VIT: variants seen among roughly 807,000 people sequenced by gnomAD.
VIT encodes the protein vitrin.
In VIT, 99 loss-of-function variants were observed where a neutral mutation model predicts 78.0. That is an observed-to-expected ratio of 1.27 (90% CI 1.08 to 1.50). The LOEUF is 1.50. Among genes scored for constraint, VIT ranks in the 40% most tolerant of loss-of-function variants. The pLI is 0.00. For synonymous variants in VIT, 374 were observed against 334.3 expected (o/e 1.12, Z -1.29); for missense variants, 1,126 against 875.3 (o/e 1.29, Z -3.61).
intron 7 of VIT, among the ~76,000 whole-genome samples, chr2:36,773,359 G>A (rs1449661546): frequency 4.6e-5 from 7 of 151,498 alleles, no homozygotes; most frequent in Admixed American, 6.6e-5. Context: ...TCCAAGGCAG[G>A]TTTGGACTGC....
intron 6 of VIT, 91 bp downstream of exon 6, chr2:36,759,137 C>G: frequency 6.2e-7 from 1 of 1,612,260 alleles, no homozygotes; most frequent in Non-Finnish European, 8.5e-7. Context: ...AACATCTTAA[C>G]CGGTCAAGCT....
rs1292216154 is a variant in VIT at position 36,696,877 on chromosome 2, G to A, written c.-115G>A. 6.6e-6 allele frequency: 1 copy of A among 152,010 alleles called. No individual in the cohort carries two copies. Among genetic ancestry groups the A allele is most frequent in the Non-Finnish European group, 1.5e-5 (1 of 68,006 alleles). 9.4% of individuals were successfully genotyped at this position (152,010 alleles called of 1,614,324 possible). A position where few individuals can be genotyped will look rare whatever the true frequency, so the allele number is the denominator to read the frequency against. ...CCCTGTTTCTTCCTTAGAATAATTT[G>A]GATGGGATTTGTGATGCAGGAAAGC... On this transcript the variant is annotated 5_prime_UTR_variant, in exon 1 of 16. Transcript: ENST00000379242.
At chr2:36,744,169 T>C (rs1479492106) in intron 4 of VIT, among the ~76,000 whole-genome samples, 2 of 152,246 alleles carry the variant, frequency 1.3e-5, no homozygotes, top group Non-Finnish European at 2.9e-5. Flanking sequence ...TAGTATTCCA[T>C]GGTGTATATG....
At chr2:36,805,041 G>T (rs1316980784) in intron 13 of VIT, among the ~76,000 whole-genome samples, 1 of 152,064 alleles carries the variant, frequency 6.6e-6, no homozygotes, top group Non-Finnish European at 1.5e-5. Context: ...AGTGGCTCAT[G>T]CCTGTAATCT....
chr2:36,814,345 C>T lies in VIT; in HGVS notation c.2066C>T (p.Ser689Leu), dbSNP rs147135911. The part of the protein sequence containing the change: ...IIQNICTEFN[S>L]QPRN ...CAGAACATTTGTACAGAGTTCAACT[C>T]ACAGCCTCGGAACTGAATTCAGAGC... Residue 689 changes from serine (S) to leucine (L), a missense_variant, in exon 16 of 16, where the codon TCA becomes TTA. Transcript: ENST00000379242. The T allele has an allele frequency of 2.8e-5, 46 of 1,614,204 alleles. No individual in the cohort carries two copies. The African/African-American group carries it at 5.2e-4, about 18-fold the overall frequency.
chr2:36,729,277 C>G lies in VIT; in HGVS notation c.53-149C>G, dbSNP rs974398488. ...TTGACACATTTTTCAGAGAGTAGCC[C>G]CATCATTAAGTGATGCATGACTGTA... On this transcript the variant is annotated intron_variant, in intron 2 of 15. Coordinates refer to ENST00000379242, the MANE Select transcript of VIT (RefSeq NM_053276.4). 13 of 568,012 alleles carry G rather than the reference C, an allele frequency of 2.3e-5. No homozygotes were observed. In the South Asian group the frequency reaches 3.1e-4, roughly 14 times the overall value. 35.2% of individuals were successfully genotyped at this position (568,012 alleles called of 1,614,324 possible). A position where few individuals can be genotyped will look rare whatever the true frequency, so the allele number is the denominator to read the frequency against.
intron 3 of VIT, among the ~76,000 whole-genome samples, chr2:36,742,717 C>T (rs1261853824): frequency 6.6e-6 from 1 of 152,162 alleles, no homozygotes. Flanking sequence ...ACTTTTCCTT[C>T]CTTTTGTAAG....
At chr2:36,812,176 G>A (rs1667219837) in intron 15 of VIT, among the ~76,000 whole-genome samples, 1 of 152,122 alleles carries the variant, frequency 6.6e-6, no homozygotes. Context: ...GGAGGAGGGA[G>A]AAAGGGGACT....
chr2:36,755,146 C>T lies in VIT; in HGVS notation c.409+92C>T, dbSNP rs553902279. The T allele has an allele frequency of 4.5e-5, 60 of 1,347,278 alleles. No individual in the cohort carries two copies. In the African/African-American group the frequency reaches 7.9e-4, roughly 18 times the overall value. The allele number at this position is 1,347,278 out of a possible 1,614,324, so 83.5% of individuals were successfully genotyped here. A position where few individuals can be genotyped will look rare whatever the true frequency, so the allele number is the denominator to read the frequency against. On this transcript the variant is annotated intron_variant, in intron 5 of 15. Transcript: ENST00000379242. ...GCTGTTGGTTTTTGTTTATGGCCCA[C>T]CTCATTTCATAAAAATCTGAAGCAT...
intron 14 of VIT, among the ~76,000 whole-genome samples, chr2:36,806,473 C>T (rs1271745416): frequency 6.6e-6 from 1 of 152,130 alleles, no homozygotes; most frequent in Non-Finnish European, 1.5e-5. Flanking sequence ...TGTTGACCTC[C>T]CCAGGTCTAC....
chr2:36,810,141 A>C (rs964031376), intron 15 of VIT, among the ~76,000 whole-genome samples: 1 of 152,162 alleles, frequency 6.6e-6, no homozygotes, highest in Non-Finnish European at 1.5e-5. Context: ...AAAATACAAA[A>C]TTGGCCAGGC....
chr2:36,758,933 G>C (rs1668933883), intron 5 of VIT, 36 bp from the exon 6 acceptor site: 13 of 1,579,960 alleles, frequency 8.2e-6, no homozygotes, highest in Non-Finnish European at 1.1e-5. Context: ...TCTAGCTCTA[G>C]AAATAAATCT....
chr2:36,764,635 G>A (rs1669311515), intron 6 of VIT, among the ~76,000 whole-genome samples: 2 of 152,288 alleles, frequency 1.3e-5, no homozygotes, highest in East Asian at 3.9e-4. Context: ...TTCCTACCTT[G>A]ACCAGCTAAT....
chr2:36,808,869 C>T lies in VIT; in HGVS notation c.1787C>T (p.Ala596Val), dbSNP rs141846338. 2 of 1,614,028 alleles carry T rather than the reference C, an allele frequency of 1.2e-6. No individual in the cohort carries two copies. The highest frequency in any genetic ancestry group is 2.7e-5 in the African/African-American group (2 of 74,912). The change falls in exon 15 of 16, where the codon GCC (alanine) becomes GTC (valine). Residue 596 changes from alanine to valine, a missense_variant. Transcript: ENST00000379242. The stretch of plus-strand genomic sequence containing the variant: ...AGCACGGGGGCTGCCATCAACTTCG[C>T]CCTGGAGCAGCTCTTCAAGAAGTCC... ...GTSTGAAINF[A>V]LEQLFKKSKP...
intron 15 of VIT, among the ~76,000 whole-genome samples, chr2:36,813,346 G>A (rs1026132303): frequency 6.6e-6 from 1 of 152,064 alleles, no homozygotes; most frequent in South Asian, 2.1e-4. Flanking sequence ...CTACTCGGGA[G>A]GCTGAGGCAC....
chr2:36,722,680 G>A (rs1035355452), intron 2 of VIT, among the ~76,000 whole-genome samples: 1 of 152,160 alleles, frequency 6.6e-6, no homozygotes, highest in South Asian at 2.1e-4. Flanking sequence ...GCTAGAATGA[G>A]GCATGCTTAT....
intron 12 of VIT, among the ~76,000 whole-genome samples, chr2:36,789,629 C>T (rs534897689): frequency 2.2e-4 from 34 of 152,238 alleles, no homozygotes; most frequent in Middle Eastern, 3.4e-3. Context: ...TGGATGGTCC[C>T]CTTCAATCCC....
intron 1 of VIT, among the ~76,000 whole-genome samples, chr2:36,698,895 G>T (rs970271341): frequency 1.3e-5 from 2 of 151,622 alleles, no homozygotes; most frequent in South Asian, 4.2e-4. Flanking sequence ...AGTGAGCTGA[G>T]ATCACGCCAC....
intron 12 of VIT, among the ~76,000 whole-genome samples, chr2:36,800,321 G>A (rs938699784): frequency 6.6e-6 from 1 of 152,150 alleles, no homozygotes; most frequent in East Asian, 1.9e-4. Flanking sequence ...CTCCAGCCTG[G>A]GTGACAGAGT....
Sources: gnomAD v4.1 joint callset for allele counts (sites outside exome capture counted in the v4.1 genomes callset) on GRCh38, gnomAD v4.1.1 for gene constraint, MANE v1.5 for transcripts, NCBI Gene and HGNC (gene_info 2026-07-23, HGNC 2026-07-21) for gene names.